The following TSBP1 variants were observed in gnomAD, a reference collection of about 807,000 sequenced individuals.
TSBP1 encodes testis expressed basic protein 1.
A neutral mutation model predicts 68.8 loss-of-function variants in TSBP1; 56 were observed. The observed-to-expected ratio is 0.81, with a 90% CI of 0.66 to 1.02. TSBP1 has a LOEUF of 1.02. Ranked by LOEUF, TSBP1 falls within the 50% of genes least tolerant of loss-of-function variation. The pLI, the probability that TSBP1 is intolerant of heterozygous loss-of-function variation, is 0.00. For synonymous variants in TSBP1, 171 were observed against 208.7 expected, an observed-to-expected ratio of 0.82 and a Z score of 1.56; for missense variants, 502 against 641.2, an observed-to-expected ratio of 0.78 and a Z score of 2.34.
intron 3 of TSBP1, among the ~76,000 whole-genome samples, 195 bp downstream of exon 3, chr6:32,368,587 C>A (rs3129937): frequency 0.14 from 21,308 of 152,104 alleles, 1,678 homozygotes; most frequent in Non-Finnish European, 0.17. Flanking sequence ...TTCTCCCCAA[C>A]TCCAGTTTGG....
In TSBP1 at chr6:32,316,643, G is replaced by A. The variant is rs563056898; in HGVS notation, c.560-851C>T. 6.6e-6 allele frequency among the ~76,000 whole-genome samples: 1 copy of A among 152,250 alleles called. No individual in the cohort carries two copies. Among genetic ancestry groups the A allele is most frequent in the African/African-American group, 2.4e-5 (1 of 41,538 alleles). On this transcript the variant is annotated intron_variant, in intron 18 of 22. Coordinates refer to ENST00000612031, the Ensembl canonical transcript of TSBP1. This position sits in a 1 kb window ranked among gnomAD's most constrained non-coding sequence, Gnocchi z 4.5. ...TGGAGTGATTCTAAGGATTAAATGG[G>A]ATAATGTAATTAAAGCACCTATATA...
In TSBP1 at chr6:32,339,595, C is replaced by A. The variant is rs774306198; in HGVS notation, c.388+5G>T. 1.2e-5 allele frequency: 15 copies of A among 1,278,404 alleles called. No homozygotes were observed. The South Asian group carries it at 1.9e-4, about 16-fold the overall frequency. 79.2% of individuals were successfully genotyped at this position (1,278,404 alleles called of 1,614,324 possible). A position where few individuals can be genotyped will look rare whatever the true frequency, so the allele number is the denominator to read the frequency against. On this transcript the variant is annotated splice_donor_5th_base_variant and intron_variant, in intron 10 of 22. Coordinates refer to ENST00000612031, the Ensembl canonical transcript of TSBP1. ...AGGACTGAGTTGTATATATGGGAAA[C>A]TTACAAGGAGGTTCTTCAGTTGTTT...
chr6:32,293,031 T>C, exon 23 of TSBP1: 1 of 1,611,640 alleles, frequency 6.2e-7, no homozygotes, highest in Non-Finnish European at 8.5e-7. Context: ...GCCTTCGCCC[T>C]TTTCGAGCCT....
At chr6:32,371,206 C>T (rs574519148) in intron 1 of TSBP1, among the ~76,000 whole-genome samples, 1 of 151,914 alleles carries the variant, frequency 6.6e-6, no homozygotes, top group African/African-American at 2.4e-5. Flanking sequence ...TTAAATAACT[C>T]ATCGGGGAGG....
chr6:32,301,218 C>T (rs552826278), intron 20 of TSBP1, among the ~76,000 whole-genome samples: 7 of 151,940 alleles, frequency 4.6e-5, no homozygotes, highest in East Asian at 1.9e-4. Flanking sequence ...TTTGTAGAGA[C>T]GGAGTTTCAT....
chr6:32,356,049 C>T (rs190840522), intron 6 of TSBP1, among the ~76,000 whole-genome samples: 9 of 152,202 alleles, frequency 5.9e-5, no homozygotes, highest in East Asian at 3.9e-4. Flanking sequence ...ATATTGATTG[C>T]GATTGAATGT....
chr6:32,308,467 G>A (rs1367213496), intron 19 of TSBP1, among the ~76,000 whole-genome samples: 1 of 149,150 alleles, frequency 6.7e-6, no homozygotes, highest in Non-Finnish European at 1.5e-5. Context: ...GCGTAGTGGC[G>A]GGCGCCTGTA....
chr6:32,302,635 A>C lies in TSBP1; in HGVS notation c.581-6T>G, dbSNP rs1185359092. 6 of 1,541,798 alleles carry C rather than the reference A, an allele frequency of 3.9e-6. No homozygotes were observed. Among genetic ancestry groups the C allele is most frequent in the Non-Finnish European group, 5.2e-6 (6 of 1,145,566 alleles). ...AGTGTGAACTTGAGGTATTCCTGAA[A>C]ATCAAAACAAGAAAATAGGTTAATG... On this transcript the variant is annotated splice_region_variant and splice_polypyrimidine_tract_variant and intron_variant, in intron 19 of 22. Transcript: ENST00000612031. This position sits in a 1 kb window ranked among gnomAD's most constrained non-coding sequence, Gnocchi z 5.1.
chr6:32,362,420 C>T (rs1453100487), intron 6 of TSBP1, among the ~76,000 whole-genome samples: 3 of 152,238 alleles, frequency 2.0e-5, no homozygotes, highest in East Asian at 1.9e-4. Context: ...GCGCCACATG[C>T]GCCCCCTCAG....
At chr6:32,308,239 C>A (rs1472066536) in intron 19 of TSBP1, among the ~76,000 whole-genome samples, 1 of 151,928 alleles carries the variant, frequency 6.6e-6, no homozygotes, top group African/African-American at 2.4e-5. Flanking sequence ...GAGTTTCTAG[C>A]TTTTAATCTG....
At position 32,322,467 on chromosome 6, in the gene TSBP1, T is replaced by C. The variant is rs1337004977; in HGVS notation, c.559+650A>G. 1.3e-6 allele frequency: 2 copies of C among 1,585,350 alleles called. No homozygotes were observed. The highest frequency in any genetic ancestry group is 1.7e-6 in the Non-Finnish European group (2 of 1,155,176). ...AGAAAAGTCCCCACATATGACCAGCTGAGAAGTAGAGTACTTACTTGCGGT... is the reference window on the plus strand; with the variant it reads ...AGAAAAGTCCCCACATATGACCAGCCGAGAAGTAGAGTACTTACTTGCGGT... On this transcript the variant is annotated intron_variant, in intron 18 of 22. Coordinates refer to ENST00000612031, the Ensembl canonical transcript of TSBP1.
intron 6 of TSBP1, among the ~76,000 whole-genome samples, chr6:32,362,052 A>G (rs1026872457): frequency 4.6e-5 from 7 of 152,076 alleles, no homozygotes; most frequent in South Asian, 4.2e-4. Context: ...GCACTTTGGG[A>G]GGCCGAGGTG....
In TSBP1 at chr6:32,315,505, TG is replaced by T. The variant is rs1562089130; in HGVS notation, c.580+266del. Among the ~76,000 whole-genome samples the T allele has an allele frequency of 6.6e-6, 1 of 152,106 alleles. No homozygotes were observed. Among genetic ancestry groups the T allele is most frequent in the Non-Finnish European group, 1.5e-5 (1 of 67,996 alleles). On this transcript the variant is annotated intron_variant, in intron 19 of 22. Transcript: ENST00000612031. This position sits in a 1 kb window ranked among gnomAD's most constrained non-coding sequence, Gnocchi z 5.4. ...TGGACTCGGCAGGTGGAGGTTGCAG[TG>T]AGCCTAGATCACGCCACTGCACTCC...
chr6:32,348,538 C>T (rs553353120), intron 9 of TSBP1, among the ~76,000 whole-genome samples: 2 of 137,962 alleles, frequency 1.4e-5, no homozygotes, highest in South Asian at 2.3e-4. Flanking sequence ...ATATTTTTAA[C>T]ATATGCATGA....
chr6:32,310,422 A>G (rs1766264349), intron 19 of TSBP1, among the ~76,000 whole-genome samples: 1 of 151,910 alleles, frequency 6.6e-6, no homozygotes, highest in South Asian at 2.1e-4. Flanking sequence ...CTCTTATCAA[A>G]TTCCATTACA....
At chr6:32,327,802 T>TA (rs1379967916) in intron 16 of TSBP1, among the ~76,000 whole-genome samples, 3 of 150,920 alleles carry the variant, frequency 2.0e-5, no homozygotes, top group Non-Finnish European at 4.4e-5. Flanking sequence ...TTGTAGGTTT[T>TA]TTTTTTTGAG....
At chr6:32,297,664 AAAT>A (rs1320468022) in intron 22 of TSBP1, among the ~76,000 whole-genome samples, 5 of 152,222 alleles carry the variant, frequency 3.3e-5, no homozygotes, top group African/African-American at 9.6e-5. Flanking sequence ...AGGAGGTGAG[AAAT>A]AAGAGACTCA....
chr6:32,299,852 A>G (rs115192578), intron 22 of TSBP1, 70 bp downstream of exon 25: 17,943 of 1,303,392 alleles, frequency 0.014, 613 homozygotes, highest in African/African-American at 0.13. Context: ...TTGGGAGTAG[A>G]AACAGACAGG....
At chr6:32,360,115 G>A (rs1238723530) in intron 6 of TSBP1, among the ~76,000 whole-genome samples, 1 of 152,072 alleles carries the variant, frequency 6.6e-6, no homozygotes, top group Non-Finnish European at 1.5e-5. Flanking sequence ...TCACCATGCT[G>A]TACATTGGGT....
Sources: gnomAD v4.1 joint callset for allele counts (sites outside exome capture counted in the v4.1 genomes callset) on GRCh38, gnomAD v4.1.1 for gene constraint, Gnocchi (gnomAD v3.1) non-coding constraint, MANE v1.5 for transcripts, NCBI Gene and HGNC (gene_info 2026-07-23, HGNC 2026-07-21) for gene names.